CFAP43: variants seen among roughly 807,000 people sequenced by gnomAD.
The protein encoded by CFAP43 is cilia and flagella associated protein 43, also known as cilia- and flagella-associated protein 43.
Under a neutral mutation model 218.9 loss-of-function variants are expected in CFAP43, and 155 were observed. The ratio of observed to expected loss-of-function variants is 0.71; its 90% CI spans 0.62 to 0.81. The LOEUF (loss-of-function observed/expected upper bound fraction) is 0.81, where lower values mean the gene tolerates loss of function less well. CFAP43 is among the 30% of genes least tolerant of loss of function. The pLI is 0.00. For synonymous variants in CFAP43, 645 were observed against 681.3 expected (o/e 0.95, Z 0.83); for missense variants, 1,778 against 1,954.3 (o/e 0.91, Z 1.70).
In CFAP43 at chr10:104,157,761, TGTGTGTGTGTGTGTGAGAGAGAGAGAGA is replaced by T. The variant is rs1439518479; in HGVS notation, c.3540+3248_3540+3275del. On this transcript the variant is annotated intron_variant, in intron 27 of 37. Coordinates refer to ENST00000357060, the MANE Select transcript of CFAP43 (RefSeq NM_025145.7). ...ATGTGTGTGTGTGTGTGTGTGTGTG[TGTGTGTGTGTGTGTGAGAGAGAGAGAGA>T]GAGAGAGAGAGAGAGAGAGAATGAC... 3.2e-5 allele frequency among the ~76,000 whole-genome samples: 4 copies of T among 124,676 alleles called. No homozygotes were observed. In the South Asian group the frequency reaches 8.7e-4, roughly 27 times the overall value. The allele number at this position is 124,676 out of a possible 152,430, so 81.8% of individuals were successfully genotyped here. A position where few individuals can be genotyped will look rare whatever the true frequency, so the allele number is the denominator to read the frequency against.
At chr10:104,207,281 G>A (rs938581935) in intron 6 of CFAP43, among the ~76,000 whole-genome samples, 13 of 152,224 alleles carry the variant, frequency 8.5e-5, no homozygotes, top group African/African-American at 2.9e-4. Context: ...TTGGGGTGGG[G>A]GCAGGAAAGG....
rs769816444 is a variant in CFAP43, at chr10:104,132,218, T to C, written c.4597-22A>G. 8.6e-6 allele frequency: 13 copies of C among 1,506,630 alleles called. No individual in the cohort carries two copies. In the East Asian group the frequency reaches 2.0e-4, roughly 24 times the overall value. 93.3% of individuals were successfully genotyped at this position (1,506,630 alleles called of 1,614,324 possible). On this transcript the variant is annotated intron_variant, in intron 35 of 37. Coordinates refer to ENST00000357060, the MANE Select transcript of CFAP43 (RefSeq NM_025145.7). The stretch of plus-strand genomic sequence containing the variant: ...GGTACTTTGAGATTAAAAAAAAACA[T>C]GTAAGGATATTTTTCTCTCTTTCAA...
intron 3 of CFAP43, among the ~76,000 whole-genome samples, chr10:104,223,380 A>G (rs2091232534): frequency 6.6e-6 from 1 of 152,248 alleles, no homozygotes; most frequent in South Asian, 2.1e-4. Context: ...TGTAATAGAC[A>G]CTATTAGGTA....
intron 18 of CFAP43, 68 bp from the exon 19 acceptor site, chr10:104,179,174 AGAGAG>A: frequency 7.3e-7 from 1 of 1,366,040 alleles, no homozygotes; most frequent in South Asian, 1.2e-5. Flanking sequence ...AGAGAGAGAG[AGAGAG>A]AGCAATTCTC....
At chr10:104,204,235 G>C (rs890567465) in intron 7 of CFAP43, among the ~76,000 whole-genome samples, 2 of 152,098 alleles carry the variant, frequency 1.3e-5, no homozygotes, top group Admixed American at 6.5e-5. Context: ...ATGACCCAAG[G>C]GTAGGCAGTG....
At chr10:104,142,177 T>A (rs770203287) in intron 33 of CFAP43, 104 bp downstream of exon 33, 5 of 844,934 alleles carry the variant, frequency 5.9e-6, no homozygotes, top group Non-Finnish European at 9.1e-6. Context: ...GGAAGGGAGA[T>A]GGCTGTAAAG....
At chr10:104,182,848 A>T (rs371727795) in intron 16 of CFAP43, among the ~76,000 whole-genome samples, 2 of 152,190 alleles carry the variant, frequency 1.3e-5, no homozygotes, top group African/African-American at 4.8e-5. Flanking sequence ...AGTAGCTGGG[A>T]CTACAGGGGT....
chr10:104,167,459 C>G, intron 22 of CFAP43, 162 bp downstream of exon 22: 1 of 463,920 alleles, frequency 2.2e-6, no homozygotes, highest in Non-Finnish European at 3.7e-6. Flanking sequence ...TGGATATAGG[C>G]TCCTATAGTT....
intron 27 of CFAP43, among the ~76,000 whole-genome samples, chr10:104,157,956 C>T (rs182523770): frequency 4.6e-5 from 7 of 152,004 alleles, no homozygotes; most frequent in East Asian, 3.9e-4. Flanking sequence ...GTGTTAGAAA[C>T]GGAGAAAGTG....
intron 31 of CFAP43, 92 bp downstream of exon 31, chr10:104,145,384 T>C: frequency 1.4e-6 from 1 of 739,504 alleles, no homozygotes. Context: ...AATAATTCCA[T>C]TTAATTGGGA....
Position 104,189,874 on chromosome 10 carries a change from C to A in CFAP43, c.1547-1464G>T, listed in dbSNP as rs2090149886. Among the ~76,000 whole-genome samples the A allele has an allele frequency of 2.0e-5, 3 of 151,712 alleles. No individual in the cohort carries two copies. The South Asian group carries it at 6.2e-4, about 31-fold the overall frequency. ...AAACAAAACAAAACAAACAAACAAA[C>A]AAACAAAAAAAGGCCAGGCGTGGTG... On this transcript the variant is annotated intron_variant, in intron 12 of 37. Coordinates refer to ENST00000357060, the MANE Select transcript of CFAP43 (RefSeq NM_025145.7).
chr10:104,224,754 CAAAA>C (rs66877503), intron 3 of CFAP43, among the ~76,000 whole-genome samples: 2 of 70,174 alleles, frequency 2.9e-5, no homozygotes, highest in African/African-American at 5.1e-5. Context: ...GACTCCATCT[CAAAA>C]AAAAAAAAAA....
At chr10:104,179,155 C>CAGAGAGAGAG in intron 18 of CFAP43, 49 bp from the exon 19 acceptor site, 2 of 1,065,706 alleles carry the variant, frequency 1.9e-6, no homozygotes, top group South Asian at 1.5e-5. Context: ...AAATATCAGA[C>CAGAGAGAGAG]AGAGAGAGAG....
rs1219028373 is a variant in CFAP43 at position 104,187,350 on chromosome 10, T to C, written c.1830A>G (p.Pro610=). 1 of 1,606,922 alleles carries C rather than the reference T, an allele frequency of 6.2e-7. No individual in the cohort carries two copies. Among genetic ancestry groups the C allele is most frequent in the East Asian group, 2.2e-5 (1 of 44,676 alleles). Residue 610 remains proline, a synonymous_variant, in exon 14 of 38, where the codon CCA becomes CCG. Transcript: ENST00000357060. The part of the protein sequence containing the change: ...NQIYGFCSQV[P]YICSYLLPEE... The stretch of plus-strand genomic sequence containing the variant: ...CAGGAAGAAGGTAGCTACAGATGTA[T>C]GGCACTTGACTACAGAAGCCATATA...
At chr10:104,189,373 TG>T (rs1002271261) in intron 12 of CFAP43, among the ~76,000 whole-genome samples, 1 of 152,216 alleles carries the variant, frequency 6.6e-6, no homozygotes, top group African/African-American at 2.4e-5. Context: ...AAAATAGTTT[TG>T]GCACTTTCTG....
chr10:104,198,633 TTTTAA>T (rs2134933968), intron 8 of CFAP43, among the ~76,000 whole-genome samples: 1 of 152,130 alleles, frequency 6.6e-6, no homozygotes, highest in East Asian at 1.9e-4. Flanking sequence ...CGTTTTTTAT[TTTTAA>T]TTTTTTAAAA....
At chr10:104,229,103 C>A (rs900064584) in intron 2 of CFAP43, among the ~76,000 whole-genome samples, 8 of 152,156 alleles carry the variant, frequency 5.3e-5, no homozygotes, top group African/African-American at 1.7e-4. Context: ...CCTAGATAGT[C>A]CCCAACATGT....
At chr10:104,183,514 C>A (rs972726921) in intron 16 of CFAP43, among the ~76,000 whole-genome samples, 4 of 151,898 alleles carry the variant, frequency 2.6e-5, no homozygotes, top group Non-Finnish European at 1.5e-5. Flanking sequence ...CTCAGCCTCC[C>A]GAGTAGCTGG....
chr10:104,172,442 G>A lies in CFAP43; in HGVS notation c.2554C>T (p.Leu852Phe), dbSNP rs761101007. ...FGLDLEELERLHDESQEEVAK... is the reference protein window; with the variant it reads ...FGLDLEELERFHDESQEEVAK... ...ACTTCTTCCTGACTTTCATCATGAA[G>A]CCTTTCTAGTTCCTCAAGATCCAGA... Residue 852 changes from leucine to phenylalanine, a missense_variant, in exon 20 of 38, where the codon CTT becomes TTT. By Grantham distance (22) the Leu-to-Phe change is conservative. Around this residue, in one of 3 missense-constraint regions of CFAP43, gnomAD observed 1,553 missense variants for 1,685.2 expected, o/e 0.92. Transcript: ENST00000357060. The A allele has an allele frequency of 6.2e-7, 1 of 1,609,022 alleles. No individual in the cohort carries two copies. Among genetic ancestry groups the A allele is most frequent in the Non-Finnish European group, 8.5e-7 (1 of 1,178,696 alleles).
Sources: allele counts gnomAD v4.1 joint callset (sites outside exome capture counted in the v4.1 genomes callset), GRCh38; gene constraint gnomAD v4.1.1; regional missense constraint gnomAD v4.1.1; transcripts MANE v1.5; gene names NCBI Gene and HGNC (gene_info 2026-07-23, HGNC 2026-07-21).